ENPP1: variants seen among roughly 807,000 people sequenced by gnomAD.
ENPP1 encodes the protein ectonucleotide pyrophosphatase/phosphodiesterase family member 1.
In ENPP1, 73 loss-of-function variants were observed where a neutral mutation model predicts 122.8. The ratio of observed to expected loss-of-function variants is 0.59; its 90% CI spans 0.49 to 0.72. The LOEUF (loss-of-function observed/expected upper bound fraction) is 0.72, where lower values mean the gene tolerates loss of function less well. Among genes scored for constraint, ENPP1 ranks in the 30% least tolerant of loss-of-function variants. ENPP1 has a pLI of 0.00. For missense variants in ENPP1, 978 were observed against 1,128.1 expected (o/e 0.87, Z 1.91); for synonymous variants, 367 against 391.6 (o/e 0.94, Z 0.74).
chr6:131,881,440 T>C (rs546606013), intron 20 of ENPP1, among the ~76,000 whole-genome samples: 150 of 152,310 alleles, frequency 9.8e-4, no homozygotes, highest in African/African-American at 3.5e-3. Context: ...TCTTATGTAA[T>C]TAAAATGCAT....
At chr6:131,845,803 C>G (rs955489882) in intron 1 of ENPP1, among the ~76,000 whole-genome samples, 3 of 152,094 alleles carry the variant, frequency 2.0e-5, no homozygotes, top group African/African-American at 7.2e-5. Context: ...ACACCACCAT[C>G]AGAAGTTTAG....
At chr6:131,859,648 AT>A (rs1159571633) in intron 7 of ENPP1, among the ~76,000 whole-genome samples, 1 of 151,796 alleles carries the variant, frequency 6.6e-6, no homozygotes, top group East Asian at 1.9e-4. Flanking sequence ...ACAAAAGAGT[AT>A]ATTTGGAAGA....
At chr6:131,831,114 C>CAAAAAAAAAAAAAAAAAAAAAA (rs3036850) in intron 1 of ENPP1, among the ~76,000 whole-genome samples, 1 of 60,018 alleles carries the variant, frequency 1.7e-5, no homozygotes. Flanking sequence ...GCCCATCTCT[C>CAAAAAAAAAAAAAAAAAAAAAA]AAAAAAAAAA....
intron 23 of ENPP1, among the ~76,000 whole-genome samples, chr6:131,885,294 T>TCA (rs1487483518): frequency 6.6e-6 from 1 of 152,218 alleles, no homozygotes; most frequent in Non-Finnish European, 1.5e-5. Flanking sequence ...CCCATTCAGT[T>TCA]CAGTTGAATA....
rs773181835 is a variant in ENPP1 at position 131,894,289 on chromosome 6, C to CT, written c.*3792dup. 7,428 of 132,642 alleles carry CT rather than the reference C, an allele frequency of 0.056. 635 individuals are homozygous for CT. The highest frequency in any genetic ancestry group is 0.18 in the African/African-American group (6,392 of 35,674). 8.2% of individuals were successfully genotyped at this position (132,642 alleles called of 1,614,324 possible). On this transcript the variant is annotated 3_prime_UTR_variant, in exon 25 of 25. Transcript: ENST00000647893. ...TCTACTGTCATGCCTCACATCAGTC[C>CT]TTTTTTTTTTTTTTGAGACAGAGTC...
intron 1 of ENPP1, among the ~76,000 whole-genome samples, chr6:131,813,571 G>A (rs559159351): frequency 2.0e-4 from 31 of 151,960 alleles, no homozygotes; most frequent in African/African-American, 7.5e-4. Flanking sequence ...ATGATGCTAT[G>A]TAGCAAAATT....
At chr6:131,809,318 CT>C (rs1394918181) in intron 1 of ENPP1, among the ~76,000 whole-genome samples, 4 of 152,038 alleles carry the variant, frequency 2.6e-5, no homozygotes, top group Non-Finnish European at 5.9e-5. Flanking sequence ...TTCAAGTCTC[CT>C]TTCATTTTGT....
chr6:131,846,822 T>C (rs535249453), intron 1 of ENPP1, among the ~76,000 whole-genome samples: 2 of 152,310 alleles, frequency 1.3e-5, no homozygotes, highest in Admixed American at 1.3e-4. Context: ...TTGAGGATTG[T>C]TTTGTGGGTT....
intron 23 of ENPP1, 152 bp downstream of exon 23, chr6:131,885,215 T>G (rs113396747): frequency 2.8e-6 from 2 of 717,832 alleles, no homozygotes; most frequent in South Asian, 3.5e-5. Context: ...TCTTGAAATA[T>G]CTGATTAATT....
chr6:131,870,038 A>G (rs1164136466), intron 13 of ENPP1, among the ~76,000 whole-genome samples: 1 of 152,116 alleles, frequency 6.6e-6, no homozygotes, highest in African/African-American at 2.4e-5. Context: ...ACTAAGCATA[A>G]TATTTGATGA....
chr6:131,831,152 TC>T (rs1403222128), intron 1 of ENPP1, among the ~76,000 whole-genome samples: 2 of 142,936 alleles, frequency 1.4e-5, no homozygotes, highest in African/African-American at 2.6e-5. Context: ...AGAAAATAGA[TC>T]AAAAAATTTT....
Position 131,822,566 on chromosome 6 carries a change from G to C in ENPP1, c.240+14291G>C, listed in dbSNP as rs143467489. On this transcript the variant is annotated intron_variant, in intron 1 of 24. Transcript: ENST00000647893. ...TTTTTCCCCTCCAGGACTTTTCTATGTGTACATATCACTTTTAAAAAAAAA... is the reference window on the plus strand; with the variant it reads ...TTTTTCCCCTCCAGGACTTTTCTATCTGTACATATCACTTTTAAAAAAAAA... 3.8e-3 allele frequency among the ~76,000 whole-genome samples: 568 copies of C among 150,836 alleles called. 9 individuals carry two copies. Among genetic ancestry groups the C allele is most frequent in the Admixed American group, 0.028 (430 of 15,166 alleles).
rs1363520110 is a variant in ENPP1, at chr6:131,864,946, C to T, written c.1164+8C>T. ...GGACCAGTCAGCAGTGAAGTAAGTA[C>T]ATTTTTATCAGTAATTATTTCATTA... is the stretch of plus-strand genomic sequence containing the variant. On this transcript the variant is annotated splice_region_variant and intron_variant, in intron 11 of 24. Transcript: ENST00000647893. The T allele has an allele frequency of 2.0e-6, 3 of 1,534,678 alleles. No homozygotes were observed. The highest frequency in any genetic ancestry group is 1.7e-5 in the Admixed American group (1 of 59,908).
At chr6:131,810,406 T>G (rs1781333037) in intron 1 of ENPP1, among the ~76,000 whole-genome samples, 1 of 152,000 alleles carries the variant, frequency 6.6e-6, no homozygotes, top group African/African-American at 2.4e-5. Flanking sequence ...ACTCGTATTC[T>G]TCTTTCCCTT....
At chr6:131,857,257 C>A (rs1781959386) in intron 6 of ENPP1, among the ~76,000 whole-genome samples, 3 of 149,476 alleles carry the variant, frequency 2.0e-5, no homozygotes, top group African/African-American at 7.6e-5. Context: ...CCTCAGGGAT[C>A]TAGAACTAGA....
chr6:131,872,845 A>G (rs1308519436), intron 14 of ENPP1, 78 bp from the exon 15 acceptor site: 2 of 1,398,982 alleles, frequency 1.4e-6, no homozygotes, highest in Non-Finnish European at 1.0e-6. Context: ...TCCCTAATAA[A>G]TATCTTTCCC....
chr6:131,861,400 ATC>A (rs1265026591), intron 8 of ENPP1, among the ~76,000 whole-genome samples, 193 bp from the exon 9 acceptor site: 1 of 152,230 alleles, frequency 6.6e-6, no homozygotes, highest in Non-Finnish European at 1.5e-5. Flanking sequence ...ACAGGAGTTA[ATC>A]TCTGACTATT....
intron 1 of ENPP1, among the ~76,000 whole-genome samples, chr6:131,845,731 C>A (rs1030847059): frequency 6.6e-6 from 1 of 151,924 alleles, no homozygotes; most frequent in South Asian, 2.1e-4. Flanking sequence ...AGTGCCTGGC[C>A]GTTTGTGATG....
intron 1 of ENPP1, among the ~76,000 whole-genome samples, chr6:131,844,431 A>AAG (rs1367927049): frequency 2.0e-5 from 3 of 152,230 alleles, no homozygotes; most frequent in Non-Finnish European, 4.4e-5. Context: ...TTTCTTTCAA[A>AAG]ATCTGCCAGT....
Sources: allele counts gnomAD v4.1 joint callset (sites outside exome capture counted in the v4.1 genomes callset), GRCh38; gene constraint gnomAD v4.1.1; transcripts MANE v1.5; gene names NCBI Gene and HGNC (gene_info 2026-07-23, HGNC 2026-07-21).